SMAD1: variants seen among roughly 807,000 people sequenced by gnomAD.
SMAD1 encodes the protein SMAD family member 1, also known as MAD, mothers against decapentaplegic homolog 1.
SMAD1 carries 6 observed loss-of-function variants against 41.6 expected under a neutral mutation model. That is an observed-to-expected ratio of 0.14 (90% confidence interval 0.08 to 0.28). SMAD1 has a LOEUF of 0.28. Ranked by LOEUF, SMAD1 falls within the 10% of genes least tolerant of loss-of-function variation. SMAD1 has a pLI of 1.00. For missense variants in SMAD1, 379 were observed against 582.6 expected (o/e 0.65, Z 3.60); for synonymous variants, 206 against 203.2 (o/e 1.01, Z -0.12).
chr4:145,486,049 GA>G (rs1728465361), intron 1 of SMAD1, among the ~76,000 whole-genome samples: 1 of 152,180 alleles, frequency 6.6e-6, no homozygotes, highest in Admixed American at 6.5e-5. Flanking sequence ...TCGTTCAGAA[GA>G]CCCAAATCAT....
In SMAD1 at chr4:145,527,283, G is replaced by A. The variant is rs192279363; in HGVS notation, c.400+12270G>A. Among the ~76,000 whole-genome samples, 21 of 151,424 alleles carry A rather than the reference G, an allele frequency of 1.4e-4. 1 individual carries two copies. Among genetic ancestry groups the A allele is most frequent in the Admixed American group, 9.9e-4 (15 of 15,160 alleles). ...CTGTCGCCCAGGCTGGAGTGCAGTG[G>A]CGGGATCTCGGCTCACTGCGAGCTC... On this transcript the variant is annotated intron_variant, in intron 2 of 6. Transcript: ENST00000302085.
Position 145,546,928 on chromosome 4 carries a change from A to T in SMAD1, c.997+4A>T. On this transcript the variant is annotated splice_donor_region_variant and intron_variant, in intron 5 of 6. Transcript: ENST00000302085. ...ACCAGGCGGCATATTGGAAAAGGTG[A>T]GTTTTTGCTTTAACCTCTTTCAGAT... is the stretch of plus-strand genomic sequence containing the variant. The T allele has an allele frequency of 6.2e-7, 1 of 1,611,640 alleles. No individual in the cohort carries two copies. The highest frequency in any genetic ancestry group is 8.5e-7 in the Non-Finnish European group (1 of 1,177,788).
At chr4:145,539,465 A>G (rs1481815398) in intron 2 of SMAD1, among the ~76,000 whole-genome samples, 1 of 152,220 alleles carries the variant, frequency 6.6e-6, no homozygotes, top group African/African-American at 2.4e-5. Flanking sequence ...GTGATAAACA[A>G]TTATGCTTTG....
intron 5 of SMAD1, among the ~76,000 whole-genome samples, chr4:145,550,330 T>C (rs1364389426): frequency 1.3e-5 from 2 of 152,070 alleles, no homozygotes; most frequent in African/African-American, 4.8e-5. Context: ...CTGGGCAACA[T>C]GGTGGAACCC....
Position 145,532,777 on chromosome 4 carries a change from G to C in SMAD1, c.401-7027G>C, listed in dbSNP as rs551464794. Among the ~76,000 whole-genome samples, 573 of 152,264 alleles carry C rather than the reference G, an allele frequency of 3.8e-3. 1 individual carries two copies. The highest frequency in any genetic ancestry group is 0.013 in the African/African-American group (544 of 41,550). On this transcript the variant is annotated intron_variant, in intron 2 of 6. Coordinates refer to ENST00000302085, the MANE Select transcript of SMAD1 (RefSeq NM_005900.3). ...TAAAATAGGAACAGCCCGAGACATA[G>C]AACAAGTCAGAGGGAAACACTGCTC...
chr4:145,557,625 T>C (rs1381192664), intron 6 of SMAD1, among the ~76,000 whole-genome samples, 166 bp from the exon 7 acceptor site: 1 of 152,158 alleles, frequency 6.6e-6, no homozygotes, highest in African/African-American at 2.4e-5. Flanking sequence ...TGCGAAATTA[T>C]GCGTGCGTTT....
At chr4:145,498,161 A>C (rs994331595) in intron 1 of SMAD1, 1 of 152,236 alleles carries the variant, frequency 6.6e-6, no homozygotes, top group African/African-American at 2.4e-5. Flanking sequence ...GCATTGAAAA[A>C]TTTGATGGAT....
At chr4:145,486,203 A>G (rs1728474537) in intron 1 of SMAD1, among the ~76,000 whole-genome samples, 1 of 152,246 alleles carries the variant, frequency 6.6e-6, no homozygotes, top group Non-Finnish European at 1.5e-5. Context: ...GAAAGGAAAA[A>G]TAATGCTCAT....
At chr4:145,531,919 T>G (rs1298529478) in intron 2 of SMAD1, among the ~76,000 whole-genome samples, 2 of 152,168 alleles carry the variant, frequency 1.3e-5, no homozygotes, top group African/African-American at 4.8e-5. Flanking sequence ...TCACGAACAT[T>G]TGGTGGGTCA....
chr4:145,520,121 G>C (rs1730663150), intron 2 of SMAD1, among the ~76,000 whole-genome samples: 1 of 152,224 alleles, frequency 6.6e-6, no homozygotes, highest in Non-Finnish European at 1.5e-5. Context: ...CAAGGATGTA[G>C]AGATAGGGGA....
rs577580548 is a variant in SMAD1, at chr4:145,524,975, C to A, written c.400+9962C>A. On this transcript the variant is annotated intron_variant, in intron 2 of 6. Coordinates refer to ENST00000302085, the MANE Select transcript of SMAD1 (RefSeq NM_005900.3). The stretch of plus-strand genomic sequence containing the variant: ...CTTATTATTCCCACATGTGGATCAT[C>A]CTGAAACAATGATTTCTTGGAGGTT... 2.0e-5 allele frequency among the ~76,000 whole-genome samples: 3 copies of A among 152,266 alleles called. No individual in the cohort carries two copies. In the South Asian group the frequency reaches 6.2e-4, roughly 32 times the overall value.
intron 1 of SMAD1, among the ~76,000 whole-genome samples, chr4:145,503,377 A>G (rs1418920420): frequency 6.6e-6 from 1 of 152,202 alleles, no homozygotes; most frequent in South Asian, 2.1e-4. Context: ...AGAGTTCATT[A>G]TAGCCTTTTT....
Position 145,558,080 on chromosome 4 carries a change from A to AAC in SMAD1, c.*147_*148insCA. 2.8e-5 allele frequency: 4 copies of AAC among 141,974 alleles called. No homozygotes were observed. The highest frequency in any genetic ancestry group is 5.8e-5 in the Non-Finnish European group (4 of 69,078). The allele number at this position is 141,974 out of a possible 1,614,324, so 8.8% of individuals were successfully genotyped here. On this transcript the variant is annotated 3_prime_UTR_variant, in exon 7 of 7. Coordinates refer to ENST00000302085, the MANE Select transcript of SMAD1 (RefSeq NM_005900.3). ...AACTGTTGGATTCAGAAATTTAAAC[A>AAC]AAAAAAAAAAAAAACACACACACCT...
At chr4:145,485,212 G>A (rs938201270) in intron 1 of SMAD1, among the ~76,000 whole-genome samples, 9 of 152,086 alleles carry the variant, frequency 5.9e-5, no homozygotes, top group African/African-American at 2.2e-4. Context: ...GGGACTACAG[G>A]CACTGCCACC....
chr4:145,483,141 G>A (rs1339121488), intron 1 of SMAD1: 3 of 152,054 alleles, frequency 2.0e-5, no homozygotes, highest in African/African-American at 7.2e-5. Flanking sequence ...AATTGAGGCC[G>A]GTCTCAGAAC....
chr4:145,543,909 G>C (rs1732094181), intron 4 of SMAD1, among the ~76,000 whole-genome samples: 1 of 152,194 alleles, frequency 6.6e-6, no homozygotes, highest in South Asian at 2.1e-4. Flanking sequence ...TACTAGGTAT[G>C]TCTTGTTTCA....
At chr4:145,543,963 G>A (rs1229759855) in intron 4 of SMAD1, among the ~76,000 whole-genome samples, 1 of 152,088 alleles carries the variant, frequency 6.6e-6, no homozygotes, top group African/African-American at 2.4e-5. Flanking sequence ...TATTAAAATA[G>A]GAGTTGCTTA....
chr4:145,541,367 G>A (rs187737943), intron 3 of SMAD1, among the ~76,000 whole-genome samples: 3 of 152,318 alleles, frequency 2.0e-5, no homozygotes, highest in East Asian at 3.9e-4. Context: ...GGTTCCTCTT[G>A]GTTGTGCTGA....
chr4:145,506,745 T>C (rs1198966487), intron 1 of SMAD1, among the ~76,000 whole-genome samples: 3 of 151,720 alleles, frequency 2.0e-5, no homozygotes, highest in African/African-American at 7.3e-5. Context: ...TGGAAGAGAG[T>C]GTATTTTGTT....
Sources: allele counts gnomAD v4.1 joint callset (sites outside exome capture counted in the v4.1 genomes callset), GRCh38; gene constraint gnomAD v4.1.1; transcripts MANE v1.5; gene names NCBI Gene and HGNC (gene_info 2026-07-23, HGNC 2026-07-21).